Variants in SH3GL2 observed in about 807,000 individuals in gnomAD.
SH3GL2 encodes the protein endophilin-A1.
SH3GL2 carries 24 observed loss-of-function variants against 46.0 expected under a neutral mutation model. That is an observed-to-expected ratio of 0.52 (90% CI 0.38 to 0.73). The LOEUF (loss-of-function observed/expected upper bound fraction) is 0.73, where lower values mean the gene tolerates loss of function less well. Among genes scored for constraint, SH3GL2 ranks in the 30% least tolerant of loss-of-function variants. SH3GL2 has a pLI of 0.00. For synonymous variants in SH3GL2, 196 were observed against 147.1 expected (o/e 1.33, Z -2.40); for missense variants, 413 against 424.2 (o/e 0.97, Z 0.23).
chr9:17,608,055 G>T (rs1818791695), intron 1 of SH3GL2, among the ~76,000 whole-genome samples: 1 of 151,938 alleles, frequency 6.6e-6, no homozygotes, highest in South Asian at 2.1e-4. Flanking sequence ...GTGTTTGGGG[G>T]GCTGTTTTGC....
intron 1 of SH3GL2, among the ~76,000 whole-genome samples, chr9:17,734,343 C>A (rs1822265187): frequency 6.6e-6 from 1 of 152,200 alleles, no homozygotes; most frequent in South Asian, 2.1e-4. Flanking sequence ...GGTAACAGGA[C>A]AAATATTGAT....
At chr9:17,715,073 C>T (rs1411164617) in intron 1 of SH3GL2, among the ~76,000 whole-genome samples, 1 of 151,710 alleles carries the variant, frequency 6.6e-6, no homozygotes, top group African/African-American at 2.4e-5. Context: ...TTTTGTATTG[C>T]ATATGCAGTA....
chr9:17,646,170 T>C (rs994249410), intron 1 of SH3GL2, among the ~76,000 whole-genome samples: 1 of 151,848 alleles, frequency 6.6e-6, no homozygotes, highest in Non-Finnish European at 1.5e-5. Flanking sequence ...GATTTGGCTA[T>C]TGATGCTTGT....
At chr9:17,782,743 G>A (rs1244490760) in intron 3 of SH3GL2, among the ~76,000 whole-genome samples, 2 of 152,040 alleles carry the variant, frequency 1.3e-5, no homozygotes, top group Non-Finnish European at 2.9e-5. Context: ...AAAAAATGAT[G>A]TATACAGAAG....
chr9:17,711,148 A>G (rs748688700), intron 1 of SH3GL2, among the ~76,000 whole-genome samples: 15 of 151,844 alleles, frequency 9.9e-5, no homozygotes, highest in Non-Finnish European at 1.8e-4. Flanking sequence ...GCTTCAAAGG[A>G]TGCCTGACAC....
At chr9:17,772,623 AC>A (rs1472904295) in intron 3 of SH3GL2, among the ~76,000 whole-genome samples, 2 of 152,120 alleles carry the variant, frequency 1.3e-5, no homozygotes, top group Non-Finnish European at 2.9e-5. Context: ...GCTTTATTTC[AC>A]TTGGCATAAT....
intron 1 of SH3GL2, among the ~76,000 whole-genome samples, chr9:17,680,245 A>T (rs1049063302): frequency 6.6e-6 from 1 of 152,076 alleles, no homozygotes; most frequent in Non-Finnish European, 1.5e-5. Context: ...TTCGGCTGTG[A>T]ATCTGTCTGG....
At chr9:17,645,392 G>A (rs774164583) in intron 1 of SH3GL2, among the ~76,000 whole-genome samples, 1 of 152,002 alleles carries the variant, frequency 6.6e-6, no homozygotes, top group Admixed American at 6.6e-5. Flanking sequence ...ATATTCTTAT[G>A]TGTGAATTTG....
intron 1 of SH3GL2, among the ~76,000 whole-genome samples, chr9:17,655,792 G>T (rs1403102951): frequency 1.3e-5 from 2 of 152,114 alleles, no homozygotes; most frequent in Non-Finnish European, 2.9e-5. Flanking sequence ...GTCTGAACCT[G>T]TTGCTCTCTG....
chr9:17,708,132 A>G (rs1821522156), intron 1 of SH3GL2, among the ~76,000 whole-genome samples: 2 of 152,062 alleles, frequency 1.3e-5, no homozygotes, highest in South Asian at 4.1e-4. Context: ...GTCTGTCTCC[A>G]GATTCTGGAC....
intron 2 of SH3GL2, among the ~76,000 whole-genome samples, chr9:17,749,938 T>C (rs1822798338): frequency 1.3e-5 from 2 of 152,204 alleles, no homozygotes; most frequent in Admixed American, 1.3e-4. Context: ...AAACATCTGA[T>C]TGACTGAAGA....
At chr9:17,640,207 C>T (rs1381308019) in intron 1 of SH3GL2, among the ~76,000 whole-genome samples, 1 of 151,914 alleles carries the variant, frequency 6.6e-6, no homozygotes, top group Non-Finnish European at 1.5e-5. Context: ...TAGTCTCTGC[C>T]AGTTTATCTT....
intron 1 of SH3GL2, among the ~76,000 whole-genome samples, chr9:17,741,402 A>T (rs1460136582): frequency 6.6e-6 from 1 of 152,224 alleles, no homozygotes; most frequent in East Asian, 1.9e-4. Flanking sequence ...TACTAATTGC[A>T]GTTGTAATGA....
At position 17,631,800 on chromosome 9, in the gene SH3GL2, G is replaced by A. The variant is rs982574585; in HGVS notation, c.45+52513G>A. 4.6e-5 allele frequency among the ~76,000 whole-genome samples: 7 copies of A among 152,252 alleles called. No homozygotes were observed. In the East Asian group the frequency reaches 1.4e-3, roughly 29 times the overall value. On this transcript the variant is annotated intron_variant, in intron 1 of 8. Coordinates refer to ENST00000380607, the MANE Select transcript of SH3GL2 (RefSeq NM_003026.5). Reference sequence around the variant, plus strand: ...AATCTCCCAATCCATAGTTGGACGAGGCTCACTTTGAAAAGTAAAGAGGTT... The same window carrying A: ...AATCTCCCAATCCATAGTTGGACGAAGCTCACTTTGAAAAGTAAAGAGGTT...
intron 1 of SH3GL2, among the ~76,000 whole-genome samples, chr9:17,621,243 A>G (rs1347404496): frequency 6.6e-6 from 1 of 152,232 alleles, no homozygotes; most frequent in Non-Finnish European, 1.5e-5. Context: ...GTCTTTATGC[A>G]TAAAACAGTT....
At chr9:17,784,065 A>G (rs763090884) in intron 3 of SH3GL2, among the ~76,000 whole-genome samples, 1 of 152,172 alleles carries the variant, frequency 6.6e-6, no homozygotes, top group Admixed American at 6.6e-5. Context: ...GATTCTTAAT[A>G]TGTAATAAAT....
chr9:17,756,494 G>A (rs1210169516), intron 2 of SH3GL2, among the ~76,000 whole-genome samples: 1 of 113,736 alleles, frequency 8.8e-6, no homozygotes, highest in Non-Finnish European at 1.7e-5. Flanking sequence ...CCCCACGGCA[G>A]GCCCCCATGT....
At chr9:17,719,133 A>G (rs1008440071) in intron 1 of SH3GL2, among the ~76,000 whole-genome samples, 2 of 152,122 alleles carry the variant, frequency 1.3e-5, no homozygotes, top group African/African-American at 4.8e-5. Flanking sequence ...AATATGGTCT[A>G]CCTAATCTTC....
intron 3 of SH3GL2, among the ~76,000 whole-genome samples, chr9:17,782,465 A>G (rs111242874): frequency 0.02 from 2,977 of 152,288 alleles, 37 homozygotes; most frequent in Middle Eastern, 0.051. Flanking sequence ...TTTTTAGCCT[A>G]CCTGAGAAGT....
Sources: allele counts gnomAD v4.1 joint callset (sites outside exome capture counted in the v4.1 genomes callset), GRCh38; gene constraint gnomAD v4.1.1; transcripts MANE v1.5; gene names NCBI Gene and HGNC (gene_info 2026-07-23, HGNC 2026-07-21).